The following BTBD9 variants were observed in gnomAD, a reference collection of about 807,000 sequenced individuals.
The protein encoded by BTBD9 is BTB domain containing 9.
BTBD9 carries 49 observed loss-of-function variants against 64.3 expected under a neutral mutation model. The observed-to-expected ratio is 0.76, with a 90% CI of 0.61 to 0.97. The LOEUF is 0.97. Among genes scored for constraint, BTBD9 ranks in the 50% least tolerant of loss-of-function variants. BTBD9 has a pLI of 0.00. For synonymous variants in BTBD9, 260 were observed against 274.7 expected (o/e 0.95, Z 0.53); for missense variants, 598 against 762.1 (o/e 0.78, Z 2.53).
At chr6:38,185,384 T>G (rs1340983993) in intron 10 of BTBD9, among the ~76,000 whole-genome samples, 4 of 152,194 alleles carry the variant, frequency 2.6e-5, no homozygotes, top group Non-Finnish European at 5.9e-5. Flanking sequence ...CAGAGCCACC[T>G]GCTTATCAAT....
chr6:38,522,011 T>C (rs1489692412), intron 6 of BTBD9, among the ~76,000 whole-genome samples: 1 of 152,108 alleles, frequency 6.6e-6, no homozygotes, highest in Non-Finnish European at 1.5e-5. Flanking sequence ...TTTTTACACC[T>C]AGCCTATTCC....
chr6:38,530,367 C>T (rs1773736350), intron 6 of BTBD9, among the ~76,000 whole-genome samples: 1 of 152,064 alleles, frequency 6.6e-6, no homozygotes, highest in African/African-American at 2.4e-5. Context: ...TGCTTTCTGC[C>T]CTTTGAAGCA....
chr6:38,352,610 T>G (rs2127593617), intron 6 of BTBD9, among the ~76,000 whole-genome samples: 1 of 152,274 alleles, frequency 6.6e-6, no homozygotes, highest in South Asian at 2.1e-4. Context: ...GCTCCTTAAT[T>G]TTTCTCAATC....
At chr6:38,521,561 CAA>C (rs1365337884) in intron 6 of BTBD9, among the ~76,000 whole-genome samples, 2 of 152,184 alleles carry the variant, frequency 1.3e-5, no homozygotes, top group Admixed American at 6.5e-5. Context: ...CTTTGAGCAT[CAA>C]AAAGTTTCAG....
chr6:38,270,280 G>A (rs1214431232), intron 8 of BTBD9, among the ~76,000 whole-genome samples: 2 of 152,096 alleles, frequency 1.3e-5, no homozygotes, highest in African/African-American at 4.8e-5. Flanking sequence ...TGGGCATCCT[G>A]AGAACACGGT....
chr6:38,288,519 T>TA, intron 7 of BTBD9, 58 bp from the exon 8 acceptor site: 15 of 1,415,060 alleles, frequency 1.1e-5, no homozygotes, highest in Non-Finnish European at 1.4e-5. Flanking sequence ...TATATCTCTA[T>TA]AGTGTGCTCA....
intron 6 of BTBD9, among the ~76,000 whole-genome samples, chr6:38,565,516 G>A (rs902794124): frequency 4.0e-5 from 6 of 149,226 alleles, no homozygotes; most frequent in Middle Eastern, 6.8e-3. Flanking sequence ...AGGCTAACTC[G>A]ACTTTCATCT....
chr6:38,434,201 T>C (rs1213813206), intron 6 of BTBD9, among the ~76,000 whole-genome samples: 1 of 151,996 alleles, frequency 6.6e-6, no homozygotes, highest in East Asian at 1.9e-4. Context: ...TCTATTAACA[T>C]AGCTAGATCT....
chr6:38,473,843 C>T (rs961679624), intron 6 of BTBD9, among the ~76,000 whole-genome samples: 2 of 152,100 alleles, frequency 1.3e-5, no homozygotes, highest in African/African-American at 4.8e-5. Flanking sequence ...GTCAAAAAGG[C>T]TTCTCTCTGG....
chr6:38,459,564 G>C (rs568532294), intron 6 of BTBD9, among the ~76,000 whole-genome samples: 1 of 152,234 alleles, frequency 6.6e-6, no homozygotes, highest in South Asian at 2.1e-4. Flanking sequence ...TAAGAGGATA[G>C]AGCCTCCATT....
At chr6:38,247,419 T>C (rs1187807696) in intron 9 of BTBD9, among the ~76,000 whole-genome samples, 1 of 152,220 alleles carries the variant, frequency 6.6e-6, no homozygotes, top group Non-Finnish European at 1.5e-5. Context: ...GCTTCTCGGA[T>C]ATGAATACAA....
At chr6:38,566,378 C>A (rs946241826) in intron 6 of BTBD9, among the ~76,000 whole-genome samples, 6 of 152,242 alleles carry the variant, frequency 3.9e-5, no homozygotes, top group Non-Finnish European at 5.9e-5. Context: ...ATATTCTCCA[C>A]CTTTATTTCG....
intron 6 of BTBD9, among the ~76,000 whole-genome samples, chr6:38,452,487 T>C (rs1769602907): frequency 6.6e-6 from 1 of 152,048 alleles, no homozygotes; most frequent in African/African-American, 2.4e-5. Context: ...GGAAATTAAC[T>C]GGATGTTGGA....
intron 6 of BTBD9, among the ~76,000 whole-genome samples, chr6:38,437,714 C>T (rs1309296260): frequency 6.6e-6 from 1 of 152,104 alleles, no homozygotes; most frequent in Non-Finnish European, 1.5e-5. Context: ...AAGAAGGTTT[C>T]ATTAATGATA....
intron 6 of BTBD9, among the ~76,000 whole-genome samples, chr6:38,403,879 A>T (rs929526095): frequency 5.3e-5 from 8 of 152,258 alleles, no homozygotes; most frequent in Non-Finnish European, 8.8e-5. Context: ...TATTCATACA[A>T]TGGAACATTA....
At chr6:38,469,265 G>A (rs1473536242) in intron 6 of BTBD9, among the ~76,000 whole-genome samples, 1 of 150,874 alleles carries the variant, frequency 6.6e-6, no homozygotes, top group African/African-American at 2.4e-5. Flanking sequence ...GTGTCCTGAG[G>A]AGTACAAAAA....
intron 6 of BTBD9, among the ~76,000 whole-genome samples, chr6:38,396,114 A>G (rs1766660524): frequency 6.6e-6 from 1 of 152,210 alleles, no homozygotes; most frequent in African/African-American, 2.4e-5. Flanking sequence ...GAAGTTAAAA[A>G]GACAGGGCCA....
intron 6 of BTBD9, among the ~76,000 whole-genome samples, chr6:38,552,127 A>G (rs983812647): frequency 6.6e-6 from 1 of 152,234 alleles, no homozygotes. Flanking sequence ...GCAGGAATAC[A>G]GTAAAACTGG....
chr6:38,262,013 T>C (rs1299628260), intron 8 of BTBD9, among the ~76,000 whole-genome samples: 1 of 152,238 alleles, frequency 6.6e-6, no homozygotes, highest in Non-Finnish European at 1.5e-5. Flanking sequence ...AGCTGAAGAA[T>C]ACTAAAGGAA....
Sources: gnomAD v4.1 joint callset for allele counts (sites outside exome capture counted in the v4.1 genomes callset) on GRCh38, gnomAD v4.1.1 for gene constraint, MANE v1.5 for transcripts, NCBI Gene and HGNC (gene_info 2026-07-23, HGNC 2026-07-21) for gene names.